TENM2: variants seen among roughly 807,000 people sequenced by gnomAD.
The protein encoded by TENM2 is teneurin-2.
TENM2 carries 52 observed loss-of-function variants against 245.2 expected under a neutral mutation model. That is an observed-to-expected ratio of 0.21 (90% CI 0.17 to 0.27). The LOEUF (loss-of-function observed/expected upper bound fraction) is 0.27. Among genes scored for constraint, TENM2 ranks in the 10% least tolerant of loss-of-function variants. The probability of loss-of-function intolerance (pLI) is 1.00; values close to 1 mark genes in which losing one functional copy is unlikely to be tolerated. For missense variants in TENM2, 3,046 were observed against 3,666.8 expected, an observed-to-expected ratio of 0.83 and a Z score of 4.37; for synonymous variants, 1,363 against 1,438.9, an observed-to-expected ratio of 0.95 and a Z score of 1.19.
At chr5:167,405,148 A>G (rs1448976603) in intron 2 of TENM2, among the ~76,000 whole-genome samples, 4 of 152,150 alleles carry the variant, frequency 2.6e-5, no homozygotes, top group African/African-American at 9.6e-5. Flanking sequence ...ATAATATTCC[A>G]TTGTATGAAT....
chr5:167,344,435 G>C (rs1758340847), intron 1 of TENM2, among the ~76,000 whole-genome samples: 1 of 151,022 alleles, frequency 6.6e-6, no homozygotes, highest in Non-Finnish European at 1.5e-5. Flanking sequence ...TCAGTGACTA[G>C]AACCAAGAAA....
chr5:167,148,978 T>C, the TENM2 span, among the ~76,000 whole-genome samples: 6 of 152,156 alleles, frequency 3.9e-5, no homozygotes, highest in Non-Finnish European at 8.8e-5. Flanking sequence ...CTTTATAAGT[T>C]ATATTAGGAT....
the TENM2 span, among the ~76,000 whole-genome samples, chr5:167,038,927 A>T: frequency 7.2e-5 from 11 of 152,196 alleles, no homozygotes; most frequent in Non-Finnish European, 1.2e-4. Context: ...TTCAGTAAGA[A>T]ATGTAAACAT....
At chr5:167,507,588 G>C (rs1383847035) in intron 2 of TENM2, among the ~76,000 whole-genome samples, 1 of 152,196 alleles carries the variant, frequency 6.6e-6, no homozygotes, top group African/African-American at 2.4e-5. Flanking sequence ...TCTGGGCCAA[G>C]TGACATCATG....
the TENM2 span, among the ~76,000 whole-genome samples, chr5:167,226,071 C>A: frequency 6.6e-6 from 1 of 151,700 alleles, no homozygotes; most frequent in Non-Finnish European, 1.5e-5. Context: ...AGTCTAGCTG[C>A]AGTATATCAA....
At chr5:168,239,886 A>G (rs1765931992) in intron 25 of TENM2, among the ~76,000 whole-genome samples, 1 of 152,174 alleles carries the variant, frequency 6.6e-6, no homozygotes, top group South Asian at 2.1e-4. Flanking sequence ...ATTTTAACCA[A>G]GAGTACACAT....
At chr5:167,974,011 G>GGGGT (rs1782016695) in intron 4 of TENM2, among the ~76,000 whole-genome samples, 1 of 83,480 alleles carries the variant, frequency 1.2e-5, no homozygotes, top group African/African-American at 8.0e-5. Flanking sequence ...AAGGGAGGGA[G>GGGGT]GGAGGGAGGG....
At chr5:167,989,810 G>T (rs747309815) in intron 4 of TENM2, among the ~76,000 whole-genome samples, 2 of 152,186 alleles carry the variant, frequency 1.3e-5, no homozygotes, top group Admixed American at 6.5e-5. Flanking sequence ...AGTCCAGGAG[G>T]GGTGGAGTTG....
intron 2 of TENM2, chr5:167,755,256 G>GT (rs1762233733): frequency 4.0e-6 from 5 of 1,263,740 alleles, no homozygotes; most frequent in South Asian, 3.7e-5. Flanking sequence ...TGACAGGGTA[G>GT]TTGGAGTATT....
chr5:167,540,007 A>C (rs760706007), intron 2 of TENM2, among the ~76,000 whole-genome samples: 26 of 152,214 alleles, frequency 1.7e-4, no homozygotes, highest in Non-Finnish European at 3.7e-4. Context: ...GCTTTCATGC[A>C]TGCAAAAACA....
chr5:167,832,620 G>A (rs536900702), intron 2 of TENM2, among the ~76,000 whole-genome samples: 2 of 152,208 alleles, frequency 1.3e-5, no homozygotes, highest in East Asian at 1.9e-4. Context: ...TGGATAGAGG[G>A]ATGGAAGAAT....
chr5:167,071,505 A>G, the TENM2 span, among the ~76,000 whole-genome samples: 5 of 152,198 alleles, frequency 3.3e-5, no homozygotes, highest in South Asian at 4.1e-4. Flanking sequence ...GCAAGTTTAC[A>G]CAAGGTCTTA....
At chr5:167,990,022 C>T (rs1014057039) in intron 4 of TENM2, among the ~76,000 whole-genome samples, 4 of 152,160 alleles carry the variant, frequency 2.6e-5, no homozygotes, top group Non-Finnish European at 4.4e-5. Context: ...ACTGAGGATG[C>T]GAGAACTGGA....
chr5:167,852,466 A>G (rs904004986), intron 2 of TENM2, among the ~76,000 whole-genome samples: 3 of 152,248 alleles, frequency 2.0e-5, no homozygotes, highest in African/African-American at 7.2e-5. Flanking sequence ...CAGCAGCTGC[A>G]AAACGGTAGC....
At chr5:167,685,203 A>G (rs1438895166) in intron 2 of TENM2, among the ~76,000 whole-genome samples, 1 of 152,274 alleles carries the variant, frequency 6.6e-6, no homozygotes, top group Non-Finnish European at 1.5e-5. Context: ...TCAAATGTAT[A>G]GTTTAAGGGA....
chr5:167,869,833 A>G lies in TENM2; in HGVS notation c.503-6153A>G, dbSNP rs544270368. 2.0e-3 allele frequency among the ~76,000 whole-genome samples: 305 copies of G among 151,608 alleles called. 1 individual carries two copies. The highest frequency in any genetic ancestry group is 7.2e-3 in the African/African-American group (293 of 40,948). The stretch of plus-strand genomic sequence containing the variant: ...TATGGTCTTAATGGCAAGGAGAACC[A>G]CGTTAAAAAAAAAAATCATTAAATG... On this transcript the variant is annotated intron_variant, in intron 2 of 28. Transcript: ENST00000518659.
the TENM2 span, among the ~76,000 whole-genome samples, chr5:167,202,812 T>G: frequency 1.3e-5 from 2 of 152,130 alleles, no homozygotes; most frequent in South Asian, 4.1e-4. Flanking sequence ...ATCCTTCCCT[T>G]GGCTTGCTCC....
At chr5:168,061,422 T>G (rs1334704334) in intron 6 of TENM2, among the ~76,000 whole-genome samples, 1 of 152,154 alleles carries the variant, frequency 6.6e-6, no homozygotes, top group African/African-American at 2.4e-5. Flanking sequence ...TTCCTATTAT[T>G]AAAGTTCTGA....
At chr5:167,901,422 A>G (rs116236521) in intron 3 of TENM2, among the ~76,000 whole-genome samples, 1 of 152,172 alleles carries the variant, frequency 6.6e-6, no homozygotes, top group Non-Finnish European at 1.5e-5. Context: ...ACCTAAGGAC[A>G]CTTCTATCAT....
Sources: gnomAD v4.1 joint callset for allele counts (sites outside exome capture counted in the v4.1 genomes callset) on GRCh38, gnomAD v4.1.1 for gene constraint, MANE v1.5 for transcripts, NCBI Gene and HGNC (gene_info 2026-07-23, HGNC 2026-07-21) for gene names.